The following ANKS1B variants were observed in gnomAD, a reference collection of about 807,000 sequenced individuals.
The protein encoded by ANKS1B is ankyrin repeat and sterile alpha motif domain-containing protein 1B.
A neutral mutation model predicts 148.3 loss-of-function variants in ANKS1B; 36 were observed. The observed-to-expected ratio is 0.24, with a 90% CI of 0.19 to 0.32. The LOEUF (loss-of-function observed/expected upper bound fraction) is 0.32. Among genes scored for constraint, ANKS1B ranks in the 10% least tolerant of loss-of-function variants. The probability of loss-of-function intolerance (pLI) is 1.00; values close to 1 mark genes in which losing one functional copy is unlikely to be tolerated. For synonymous variants in ANKS1B, 542 were observed against 560.8 expected (o/e 0.97, Z 0.47); for missense variants, 1,157 against 1,542.6 (o/e 0.75, Z 4.19).
intron 17 of ANKS1B, among the ~76,000 whole-genome samples, chr12:98,951,010 A>G (rs914695033): frequency 6.6e-6 from 1 of 152,112 alleles, no homozygotes; most frequent in African/African-American, 2.4e-5. Context: ...CTGGGGCTCA[A>G]TGAATAGGGC....
chr12:98,832,093 G>A lies in ANKS1B; in HGVS notation c.2822C>T (p.Ala941Val), dbSNP rs768382554. 4 of 1,595,528 alleles carry A rather than the reference G, an allele frequency of 2.5e-6. No individual in the cohort carries two copies. Among genetic ancestry groups the A allele is most frequent in the Non-Finnish European group, 3.4e-6 (4 of 1,170,420 alleles). ...GTCGTGCAGCCTGTCTCCCAGAGAT[G>A]CCAAAATACGTTTCCTGTGGCCAAT... is the stretch of plus-strand genomic sequence containing the variant. The part of the protein sequence containing the change: ...NLIGHRKRIL[A>V]SLGDRLHDDP... Residue 941 changes from alanine to valine, a missense_variant, in exon 18 of 27, where the codon GCA (alanine) becomes GTA (valine). By Grantham distance (64) the Ala-to-Val change is moderately conservative. Coordinates refer to ENST00000683438, the MANE Select transcript of ANKS1B (RefSeq NM_001352186.2).
chr12:99,965,502 T>C (rs1002634894), intron 1 of ANKS1B, among the ~76,000 whole-genome samples: 1 of 152,190 alleles, frequency 6.6e-6, no homozygotes, highest in Non-Finnish European at 1.5e-5. Flanking sequence ...TATAGAAGTT[T>C]GACAACCACC....
intron 17 of ANKS1B, among the ~76,000 whole-genome samples, chr12:98,912,607 A>G (rs2099788308): frequency 1.3e-5 from 2 of 152,222 alleles, no homozygotes; most frequent in Admixed American, 1.3e-4. Flanking sequence ...GAATGGTCTC[A>G]GTAACACAGT....
intron 17 of ANKS1B, among the ~76,000 whole-genome samples, chr12:98,939,627 ACTT>A (rs1274107525): frequency 2.0e-5 from 3 of 152,308 alleles, no homozygotes; most frequent in Non-Finnish European, 2.9e-5. Flanking sequence ...TACAAACTGC[ACTT>A]CTTTTAAATT....
intron 25 of ANKS1B, among the ~76,000 whole-genome samples, chr12:98,768,463 G>T (rs1020307635): frequency 6.7e-6 from 1 of 148,572 alleles, no homozygotes; most frequent in African/African-American, 2.5e-5. Flanking sequence ...GGCCGGGCAC[G>T]GTGGCTCATG....
chr12:99,976,706 A>C (rs2095633660), intron 1 of ANKS1B, among the ~76,000 whole-genome samples: 1 of 152,224 alleles, frequency 6.6e-6, no homozygotes, highest in Non-Finnish European at 1.5e-5. Flanking sequence ...TCCATTTCAC[A>C]ACTAGATCCA....
chr12:99,793,895 T>C (rs1282503395), intron 4 of ANKS1B, among the ~76,000 whole-genome samples: 2 of 152,008 alleles, frequency 1.3e-5, no homozygotes, highest in Admixed American at 6.6e-5. Context: ...ACCCACGGAA[T>C]AGGAGAAAAT....
chr12:99,170,854 T>C (rs1043497154), intron 14 of ANKS1B, among the ~76,000 whole-genome samples: 11 of 152,142 alleles, frequency 7.2e-5, no homozygotes, highest in Non-Finnish European at 1.3e-4. Context: ...AAAAGCAATG[T>C]GGGGCCAAGA....
intron 9 of ANKS1B, among the ~76,000 whole-genome samples, chr12:99,564,477 A>AG (rs1357979704): frequency 6.6e-6 from 1 of 151,980 alleles, no homozygotes; most frequent in Non-Finnish European, 1.5e-5. Context: ...ACATATTTAG[A>AG]GAAAAAATAG....
chr12:99,583,123 C>T (rs1458169303), intron 9 of ANKS1B, among the ~76,000 whole-genome samples: 1 of 152,050 alleles, frequency 6.6e-6, no homozygotes, highest in Non-Finnish European at 1.5e-5. Context: ...TACAGTCTAC[C>T]CTGGAAGACT....
Position 99,239,790 on chromosome 12 carries a change from AC to A in ANKS1B, c.2419+4551del, listed in dbSNP as rs1282841412. Among the ~76,000 whole-genome samples the A allele has an allele frequency of 7.9e-5, 12 of 152,372 alleles. 2 individuals carry two copies. In the East Asian group the frequency reaches 2.3e-3, roughly 29 times the overall value. ...ACATTCTTAAAGAAAAGAATTTTCAACCCAGAATCTCATATCCAGCCAAATT... is the reference window on the plus strand; with the variant it reads ...ACATTCTTAAAGAAAAGAATTTTCAACCAGAATCTCATATCCAGCCAAATT... On this transcript the variant is annotated intron_variant, in intron 14 of 26. Transcript: ENST00000683438.
intron 14 of ANKS1B, among the ~76,000 whole-genome samples, chr12:99,238,290 T>C (rs1213448943): frequency 6.6e-6 from 1 of 152,208 alleles, no homozygotes; most frequent in Non-Finnish European, 1.5e-5. Flanking sequence ...GGATCCTTGC[T>C]CACTGCTAGT....
At chr12:98,962,362 GT>G (rs1215172047) in intron 17 of ANKS1B, among the ~76,000 whole-genome samples, 1 of 149,948 alleles carries the variant, frequency 6.7e-6, no homozygotes, top group Non-Finnish European at 1.5e-5. Context: ...TGATAAAGGG[GT>G]TACTTCAGCA....
chr12:98,905,727 G>A (rs545746876), intron 17 of ANKS1B, among the ~76,000 whole-genome samples: 10 of 152,044 alleles, frequency 6.6e-5, no homozygotes, highest in South Asian at 2.1e-4. Context: ...AGCCAAGATC[G>A]TACCATTGCA....
At chr12:99,160,679 C>T (rs905896518) in intron 14 of ANKS1B, among the ~76,000 whole-genome samples, 2 of 152,080 alleles carry the variant, frequency 1.3e-5, no homozygotes, top group African/African-American at 4.8e-5. Context: ...TGAGGTCTTA[C>T]TTTAAATCTT....
chr12:98,821,896 C>T (rs905506402), intron 19 of ANKS1B, among the ~76,000 whole-genome samples: 4 of 149,908 alleles, frequency 2.7e-5, no homozygotes, highest in African/African-American at 4.9e-5. Flanking sequence ...GCATAAGCCA[C>T]GATGCCTGGC....
At position 98,933,136 on chromosome 12, in the gene ANKS1B, C is replaced by G. The variant is rs114240294; in HGVS notation, c.2779-101000G>C. Among the ~76,000 whole-genome samples, 1,133 of 152,200 alleles carry G rather than the reference C, an allele frequency of 7.4e-3. 15 individuals carry two copies. Among genetic ancestry groups the G allele is most frequent in the African/African-American group, 0.026 (1,083 of 41,550 alleles). On this transcript the variant is annotated intron_variant, in intron 17 of 26. Transcript: ENST00000683438. ...TGATTAGTAACTCCCCATTTAGTAA[C>G]TCCCCAATTAGTAACTCTCCCTAGC...
chr12:98,853,012 A>G (rs2099539655), intron 17 of ANKS1B, among the ~76,000 whole-genome samples: 1 of 152,194 alleles, frequency 6.6e-6, no homozygotes, highest in South Asian at 2.1e-4. Context: ...CAAAAATGAG[A>G]AGAAAAATAT....
chr12:99,026,114 G>A (rs1312009470), intron 17 of ANKS1B, among the ~76,000 whole-genome samples: 3 of 152,072 alleles, frequency 2.0e-5, no homozygotes, highest in African/African-American at 7.2e-5. Context: ...ATGTATCTAC[G>A]GATATATTTT....
Sources: allele counts gnomAD v4.1 joint callset (sites outside exome capture counted in the v4.1 genomes callset), GRCh38; gene constraint gnomAD v4.1.1; transcripts MANE v1.5; gene names NCBI Gene and HGNC (gene_info 2026-07-23, HGNC 2026-07-21).